The following CDON variants were observed in gnomAD, a reference collection of about 807,000 sequenced individuals.
CDON encodes cell adhesion associated, oncogene regulated.
Under a neutral mutation model 120.9 loss-of-function variants are expected in CDON, and 73 were observed. The ratio of observed to expected loss-of-function variants is 0.60; its 90% confidence interval spans 0.50 to 0.73. CDON has a LOEUF of 0.73. Ranked by LOEUF, CDON falls within the 30% of genes least tolerant of loss-of-function variation. CDON has a pLI of 0.00. For synonymous variants in CDON, 566 were observed against 573.5 expected (o/e 0.99, Z 0.19); for missense variants, 1,470 against 1,587.3 (o/e 0.93, Z 1.26).
intron 1 of CDON, among the ~76,000 whole-genome samples, chr11:126,053,697 C>T (rs1020410864): frequency 6.7e-6 from 1 of 150,016 alleles, no homozygotes; most frequent in African/African-American, 2.5e-5. Context: ...CCATATCGAG[C>T]CACATGGTGA....
At chr11:125,981,402 G>A (rs997003698) in intron 16 of CDON, 73 bp from the exon 17 acceptor site, 50 of 1,455,476 alleles carry the variant, frequency 3.4e-5, no homozygotes, top group East Asian at 2.7e-4. Context: ...ACGCACACAC[G>A]CATGCACACA....
At chr11:126,056,655 T>A (rs1182899348) in intron 1 of CDON, among the ~76,000 whole-genome samples, 2 of 152,216 alleles carry the variant, frequency 1.3e-5, no homozygotes, top group Non-Finnish European at 2.9e-5. Flanking sequence ...ATCTACTGAA[T>A]CATCTTGTCT....
chr11:125,956,906 AG>A lies in CDON; in HGVS notation c.*4035del. 1.0e-6 allele frequency: 1 copy of A among 959,160 alleles called. No homozygotes were observed. Among genetic ancestry groups the A allele is most frequent in the Non-Finnish European group, 1.2e-6 (1 of 806,056 alleles). The allele number at this position is 959,160 out of a possible 1,614,324, so 59.4% of individuals were successfully genotyped here. A position where few individuals can be genotyped will look rare whatever the true frequency, so the allele number is the denominator to read the frequency against. On this transcript the variant is annotated 3_prime_UTR_variant, in exon 20 of 20. Transcript: ENST00000531738. ...CAGGACTGGGGCTAGGGTTTAAGGA[AG>A]GCTTATTTAAATATGGGAAATAAAA...
rs751093304 is a variant in CDON at position 125,994,923 on chromosome 11, T to C, written c.2492A>G (p.His831Arg). ...RFSSRPITGPHIAYTEAVSDT... is the reference protein window; with the variant it reads ...RFSSRPITGPRIAYTEAVSDT... ...GCTGACAGCCTCTGTGTATGCAATG[T>C]GAGGTCCAGTTATTGGACGGCTGGA... Residue 831 changes from histidine (H) to arginine (R), a missense_variant, in exon 13 of 20, where the codon CAC becomes CGC. By Grantham distance (29) the His-to-Arg change is conservative (BLOSUM62 0). Coordinates refer to ENST00000531738, the MANE Select transcript of CDON (RefSeq NM_001378964.1). The C allele has an allele frequency of 7.4e-5, 119 of 1,612,472 alleles. No individual in the cohort carries two copies. Among genetic ancestry groups the C allele is most frequent in the Non-Finnish European group, 9.3e-5 (110 of 1,178,620 alleles).
rs1027594453 is a variant in CDON, at chr11:126,003,697, G to A, written c.2026+205C>T. 6.6e-5 allele frequency among the ~76,000 whole-genome samples: 10 copies of A among 152,268 alleles called. No homozygotes were observed. In the East Asian group the frequency reaches 1.9e-3, roughly 29 times the overall value. On this transcript the variant is annotated intron_variant, in intron 10 of 19. Transcript: ENST00000531738. The stretch of plus-strand genomic sequence containing the variant: ...TAGCCGGGCATGGTGGCACGCACCT[G>A]TAGTCACAGCTACTCGGGAGGCTGA...
intron 7 of CDON, among the ~76,000 whole-genome samples, chr11:126,013,282 G>C (rs7946424): frequency 0.11 from 16,386 of 152,146 alleles, 921 homozygotes; most frequent in Admixed American, 0.13. Context: ...ATGAGATTGG[G>C]CTTTGATTTT....
chr11:126,001,670 GCAGGT>G (rs1480951238), intron 11 of CDON, 44 bp downstream of exon 11: 1 of 1,563,076 alleles, frequency 6.4e-7, no homozygotes, highest in Non-Finnish European at 8.8e-7. Context: ...AAAATCTGAA[GCAGGT>G]CAGTTATATT....
chr11:125,972,734 A>C (rs577610420), intron 18 of CDON, among the ~76,000 whole-genome samples: 1 of 152,338 alleles, frequency 6.6e-6, no homozygotes, highest in Non-Finnish European at 1.5e-5. Flanking sequence ...TTTACAACTG[A>C]GAAGGCAGAG....
At position 125,997,280 on chromosome 11, in the gene CDON, G is replaced by T. The variant is rs763148314; in HGVS notation, c.2289C>A (p.Thr763=). ...CTTCAGCTGCCACCAGCCAATTGCT[G>T]GTCCTCATCCGTTTATATTCGACTT... ...AFKVEYKRMR[T]SNWLVAAEDI... is the part of the protein sequence containing the mutation. Residue 763 remains threonine, a synonymous_variant, in exon 12 of 20, where the codon ACC becomes ACA. Transcript: ENST00000531738. 2.5e-6 allele frequency: 4 copies of T among 1,613,966 alleles called. No individual in the cohort carries two copies. In the East Asian group the frequency reaches 8.9e-5, roughly 36 times the overall value.
rs201166761 is a variant in CDON at position 126,021,348 on chromosome 11, T to C, written c.249A>G (p.Thr83=). ...EHVKIHQGTL[T]ILSLNSSLLG... ...AAAGAGAGGAGTTGAGAGAAAGAAT[T>C]GTCAGAGTCCCCTGATGAATCTTAA... Residue 83 remains threonine (T), a synonymous_variant, in exon 3 of 20, where the codon ACA becomes ACG. Transcript: ENST00000531738. The C allele has an allele frequency of 1.2e-6, 2 of 1,614,098 alleles. No individual in the cohort carries two copies. Among genetic ancestry groups the C allele is most frequent in the Non-Finnish European group, 8.5e-7 (1 of 1,179,990 alleles).
chr11:125,995,147 T>C (rs1461189487), intron 12 of CDON, 95 bp from the exon 13 acceptor site: 8 of 1,047,368 alleles, frequency 7.6e-6, no homozygotes, highest in Admixed American at 5.6e-5. Flanking sequence ...AGTCAAAATA[T>C]GGCAATTGTG....
Position 125,994,386 on chromosome 11 carries a change from T to A in CDON, c.2548A>T (p.Ile850Phe). 1 of 1,514,002 alleles carries A rather than the reference T, an allele frequency of 6.6e-7. No individual in the cohort carries two copies. The highest frequency in any genetic ancestry group is 9.2e-7 in the Non-Finnish European group (1 of 1,088,782). 93.8% of individuals were successfully genotyped at this position (1,514,002 alleles called of 1,614,324 possible). ...GGAGTGTTATTGTTACTTGATGGAA[T>A]GTACTAAAAAACAGAAGCAAAGACT... is the stretch of plus-strand genomic sequence containing the variant. Reference protein sequence around the residue: ...DTQIMLKWTYIPSSNNNTPIQ... With the variant: ...DTQIMLKWTYFPSSNNNTPIQ... The change falls in exon 14 of 20, where the codon ATT becomes TTT. Residue 850 changes from isoleucine to phenylalanine, a missense_variant. Ile to Phe is a conservative substitution (Grantham distance 21). Transcript: ENST00000531738.
intron 18 of CDON, among the ~76,000 whole-genome samples, chr11:125,969,867 T>C (rs1315119340): frequency 1.3e-5 from 2 of 152,166 alleles, no homozygotes; most frequent in Non-Finnish European, 2.9e-5. Flanking sequence ...AAATAGAAGA[T>C]TGGAAGAGTA....
At chr11:126,009,326 G>A (rs975651745) in intron 8 of CDON, among the ~76,000 whole-genome samples, 1 of 152,178 alleles carries the variant, frequency 6.6e-6, no homozygotes, top group East Asian at 1.9e-4. Flanking sequence ...TCACTCCTCT[G>A]CCAAGGACCC....
At chr11:126,005,301 C>CAAA (rs1294947246) in intron 9 of CDON, 5 of 111,634 alleles carry the variant, frequency 4.5e-5, no homozygotes, top group South Asian at 1.4e-4. Context: ...AACCCTGTCT[C>CAAA]AAAAAAAAAA....
chr11:125,970,181 T>TTG (rs1209385642), intron 18 of CDON, among the ~76,000 whole-genome samples: 68 of 129,248 alleles, frequency 5.3e-4, no homozygotes, highest in East Asian at 3.4e-3. Context: ...TGTTTTTTTT[T>TTG]TTTTTTTTTT....
At chr11:126,062,295 C>G (rs1244040173) in intron 1 of CDON, among the ~76,000 whole-genome samples, 1 of 152,134 alleles carries the variant, frequency 6.6e-6, no homozygotes, top group Non-Finnish European at 1.5e-5. Context: ...CACCTGCCCC[C>G]GAGGACCATC....
intron 18 of CDON, among the ~76,000 whole-genome samples, chr11:125,972,678 G>C (rs1227903482): frequency 6.6e-6 from 1 of 152,094 alleles, no homozygotes; most frequent in African/African-American, 2.4e-5. Context: ...AGGGGTCAAG[G>C]GTTGGCAATG....
At chr11:126,047,019 G>A (rs1328710744) in intron 1 of CDON, among the ~76,000 whole-genome samples, 2 of 152,120 alleles carry the variant, frequency 1.3e-5, no homozygotes, top group African/African-American at 4.8e-5. Flanking sequence ...GGAAGTAATG[G>A]GATTTCCCAT....
Sources: allele counts gnomAD v4.1 joint callset (sites outside exome capture counted in the v4.1 genomes callset), GRCh38; gene constraint gnomAD v4.1.1; transcripts MANE v1.5; gene names NCBI Gene and HGNC (gene_info 2026-07-23, HGNC 2026-07-21).